TMEM30A: variants seen among roughly 807,000 people sequenced by gnomAD.
The protein encoded by TMEM30A is cell cycle control protein 50A.
TMEM30A carries 24 observed loss-of-function variants against 38.2 expected under a neutral mutation model. The observed-to-expected ratio is 0.63, with a 90% CI of 0.46 to 0.88. The LOEUF is 0.88. Among genes scored for constraint, TMEM30A ranks in the 40% least tolerant of loss-of-function variants. The pLI is 0.00. For synonymous variants in TMEM30A, 145 were observed against 161.6 expected (o/e 0.90, Z 0.78); for missense variants, 370 against 458.6 (o/e 0.81, Z 1.77).
intron 6 of TMEM30A, among the ~76,000 whole-genome samples, chr6:75,258,316 G>C (rs1014715716): frequency 6.6e-6 from 1 of 152,112 alleles, no homozygotes; most frequent in African/African-American, 2.4e-5. Context: ...GAACAATATA[G>C]CTAATAATAA....
chr6:75,281,032 G>A (rs904352098), intron 1 of TMEM30A, among the ~76,000 whole-genome samples: 2 of 152,094 alleles, frequency 1.3e-5, no homozygotes, highest in Non-Finnish European at 2.9e-5. Context: ...AGGTGAAGAA[G>A]AAAGTTGAGA....
intron 1 of TMEM30A, among the ~76,000 whole-genome samples, chr6:75,282,084 A>T (rs1007612664): frequency 1.3e-5 from 2 of 152,200 alleles, no homozygotes; most frequent in African/African-American, 2.4e-5. Context: ...GCTTTTTTAA[A>T]ATCACATTTG....
intron 1 of TMEM30A, among the ~76,000 whole-genome samples, chr6:75,274,869 G>A (rs1257476253): frequency 6.6e-6 from 1 of 152,106 alleles, no homozygotes; most frequent in Non-Finnish European, 1.5e-5. Context: ...AAATTAGCCA[G>A]GCCTGGTGGC....
rs1771822180 is a variant in TMEM30A at position 75,253,720 on chromosome 6, C to T, written c.*2382G>A. ...CTAGCAAATAAACAAACGATATTCA[C>T]TTGACTCTTCTCTTGGTTGAATGAT... On this transcript the variant is annotated 3_prime_UTR_variant, in exon 7 of 7. Transcript: ENST00000230461. 6.6e-6 allele frequency: 1 copy of T among 152,550 alleles called. No homozygotes were observed. The highest frequency in any genetic ancestry group is 2.4e-5 in the African/African-American group (1 of 41,438). The allele number at this position is 152,550 out of a possible 1,614,324, so 9.4% of individuals were successfully genotyped here.
chr6:75,262,173 C>T (rs181873074), intron 3 of TMEM30A, among the ~76,000 whole-genome samples: 253 of 152,116 alleles, frequency 1.7e-3, no homozygotes, highest in African/African-American at 5.9e-3. Flanking sequence ...ATGGCGAAAT[C>T]CCATCTCTAC....
chr6:75,283,082 A>T (rs1353127754), intron 1 of TMEM30A, among the ~76,000 whole-genome samples: 1 of 152,232 alleles, frequency 6.6e-6, no homozygotes, highest in Non-Finnish European at 1.5e-5. Context: ...TAGTTATTAA[A>T]TTGAGAATGA....
In TMEM30A at chr6:75,277,656, A is replaced by G. The variant is rs112314765; in HGVS notation, c.237+6746T>C. Among the ~76,000 whole-genome samples the G allele has an allele frequency of 5.0e-4, 76 of 152,230 alleles. 1 individual carries two copies. The highest frequency in any genetic ancestry group is 1.8e-3 in the African/African-American group (74 of 41,542). On this transcript the variant is annotated intron_variant, in intron 1 of 6. Transcript: ENST00000230461. ...GTGGCTAACAATGCTTGTAATCCCA[A>G]CACTCTGGGAGGACATGGCAAGAGG...
At chr6:75,283,777 G>A (rs1772401793) in intron 1 of TMEM30A, among the ~76,000 whole-genome samples, 1 of 152,130 alleles carries the variant, frequency 6.6e-6, no homozygotes, top group South Asian at 2.1e-4. Context: ...TGTACATCTT[G>A]CCCTACAACT....
At chr6:75,282,453 G>C (rs1220210490) in intron 1 of TMEM30A, among the ~76,000 whole-genome samples, 1 of 152,164 alleles carries the variant, frequency 6.6e-6, no homozygotes, top group Non-Finnish European at 1.5e-5. Flanking sequence ...AATGGAAGCT[G>C]AGTTCTGAAA....
Position 75,284,542 on chromosome 6 carries a change from A to C in TMEM30A, c.97T>G (p.Phe33Val). The C allele has an allele frequency of 6.2e-7, 1 of 1,612,472 alleles. No individual in the cohort carries two copies. Reference protein sequence around the residue: ...AKTRRPDNTAFKQQRLPAWQP... With the variant: ...AKTRRPDNTAVKQQRLPAWQP... ...CAAGCTGGCAGCCGTTGCTGTTTGA[A>C]GGCCGTGTTATCCGGTCTCCGAGTC... Residue 33 changes from phenylalanine (F) to valine (V), a missense_variant, in exon 1 of 7, where the codon TTC (phenylalanine) becomes GTC (valine). Phe to Val is a conservative substitution (Grantham distance 50). Transcript: ENST00000230461.
intron 5 of TMEM30A, 92 bp from the exon 6 acceptor site, chr6:75,259,078 G>A: frequency 9.2e-7 from 1 of 1,091,000 alleles, no homozygotes; most frequent in South Asian, 1.6e-5. Flanking sequence ...TAATAAATAG[G>A]GGTTTATTCA....
chr6:75,279,005 G>A (rs1772309940), intron 1 of TMEM30A, among the ~76,000 whole-genome samples: 1 of 151,902 alleles, frequency 6.6e-6, no homozygotes, highest in South Asian at 2.1e-4. Context: ...ACTACCAAAG[G>A]ATATTCTTGC....
At chr6:75,276,420 G>A (rs1170236984) in intron 1 of TMEM30A, among the ~76,000 whole-genome samples, 1 of 152,196 alleles carries the variant, frequency 6.6e-6, no homozygotes, top group African/African-American at 2.4e-5. Context: ...AGTCTTGTGG[G>A]ACTGAGCCCC....
intron 1 of TMEM30A, among the ~76,000 whole-genome samples, chr6:75,283,335 GTA>G (rs561176733): frequency 2.2e-5 from 3 of 137,308 alleles, no homozygotes; most frequent in African/African-American, 5.3e-5. Flanking sequence ...GTGTGTGTGT[GTA>G]TAAACAGAAC....
intron 3 of TMEM30A, among the ~76,000 whole-genome samples, 173 bp from the exon 4 acceptor site, chr6:75,261,084 T>G (rs193012904): frequency 6.6e-6 from 1 of 152,244 alleles, no homozygotes; most frequent in Non-Finnish European, 1.5e-5. Flanking sequence ...ATATTCAAAA[T>G]GTATTCTGAA....
chr6:75,261,793 G>A (rs1771968809), intron 3 of TMEM30A, among the ~76,000 whole-genome samples: 1 of 152,152 alleles, frequency 6.6e-6, no homozygotes. Context: ...TTGGATAAAA[G>A]CACTTGTGTG....
At position 75,267,761 on chromosome 6, in the gene TMEM30A, A is replaced by T; in HGVS notation, c.238-13T>A. 6.4e-7 allele frequency: 1 copy of T among 1,561,362 alleles called. No individual in the cohort carries two copies. The highest frequency in any genetic ancestry group is 8.7e-7 in the Non-Finnish European group (1 of 1,145,746). ...CGGTATAATCAATCTGCAAGAGAAA[A>T]ATATAACTAAGCACTTCCTTAGAGA... On this transcript the variant is annotated splice_polypyrimidine_tract_variant and intron_variant, in intron 1 of 6. Coordinates refer to ENST00000230461, the MANE Select transcript of TMEM30A (RefSeq NM_018247.4).
At chr6:75,277,031 AC>A (rs1483931066) in intron 1 of TMEM30A, among the ~76,000 whole-genome samples, 1 of 152,124 alleles carries the variant, frequency 6.6e-6, no homozygotes, top group Non-Finnish European at 1.5e-5. Flanking sequence ...TCCCCTGGCT[AC>A]CCTATTTAAA....
chr6:75,261,516 T>G (rs573664693), intron 3 of TMEM30A, among the ~76,000 whole-genome samples: 16 of 152,330 alleles, frequency 1.1e-4, no homozygotes, highest in African/African-American at 3.4e-4. Context: ...AACATTTGCC[T>G]GTGGTCCAGA....
Sources: allele counts gnomAD v4.1 joint callset (sites outside exome capture counted in the v4.1 genomes callset), GRCh38; gene constraint gnomAD v4.1.1; transcripts MANE v1.5; gene names NCBI Gene and HGNC (gene_info 2026-07-23, HGNC 2026-07-21).